The following ACACA variants were observed in gnomAD, a reference collection of about 807,000 sequenced individuals.
ACACA encodes acetyl-CoA carboxylase 1.
In ACACA, 103 loss-of-function variants were observed where a neutral mutation model predicts 296.1. That is an observed-to-expected ratio of 0.35 (90% CI 0.30 to 0.41). The LOEUF (loss-of-function observed/expected upper bound fraction) is 0.41, where lower values mean the gene tolerates loss of function less well. Among genes scored for constraint, ACACA ranks in the 10% least tolerant of loss-of-function variants. The probability of loss-of-function intolerance (pLI) is 1.00; values close to 1 mark genes in which losing one functional copy is unlikely to be tolerated. For missense variants in ACACA, 1,554 were observed against 2,989.7 expected, an observed-to-expected ratio of 0.52 and a Z score of 11.20; for synonymous variants, 953 against 1,038.6, an observed-to-expected ratio of 0.92 and a Z score of 1.58.
rs1302915405 is a variant in ACACA, at chr17:37,213,792, T to C, written c.3684-3302A>G. ...AATGGCTGGAGAGCTTGCTTCAATA[T>C]GAATGCAAAGTCAGAGTTGCCGCTG... On this transcript the variant is annotated intron_variant, in intron 29 of 55. Coordinates refer to ENST00000616317, the MANE Select transcript of ACACA (RefSeq NM_198834.3). Among the ~76,000 whole-genome samples, 4 of 146,144 alleles carry C rather than the reference T, an allele frequency of 2.7e-5. No homozygotes were observed. In the East Asian group the frequency reaches 7.9e-4, roughly 29 times the overall value.
chr17:37,306,924 C>A (rs542641365), intron 3 of ACACA, among the ~76,000 whole-genome samples: 3 of 152,010 alleles, frequency 2.0e-5, no homozygotes, highest in Non-Finnish European at 4.4e-5. Flanking sequence ...TCTTGAACTC[C>A]TGGCCTCAAC....
chr17:37,357,437 G>A (rs764441279), intron 1 of ACACA, among the ~76,000 whole-genome samples: 1 of 152,140 alleles, frequency 6.6e-6, no homozygotes, highest in Non-Finnish European at 1.5e-5. Flanking sequence ...AGGTTGCAGT[G>A]AGCCAAGATC....
At chr17:37,234,801 C>T (rs983687546) in intron 25 of ACACA, among the ~76,000 whole-genome samples, 174 bp downstream of exon 25, 6 of 152,138 alleles carry the variant, frequency 3.9e-5, no homozygotes, top group African/African-American at 7.2e-5. Flanking sequence ...CAGGTTCCTT[C>T]AGACCAAGGA....
At chr17:37,163,027 T>G (rs889372381) in intron 41 of ACACA, 6 of 154,956 alleles carry the variant, frequency 3.9e-5, no homozygotes, top group African/African-American at 1.5e-4. Context: ...TGCTGCCAGC[T>G]GGCGGTCAAA....
chr17:37,344,021 A>T (rs1328075057), intron 1 of ACACA, among the ~76,000 whole-genome samples: 2 of 151,930 alleles, frequency 1.3e-5, no homozygotes, highest in Non-Finnish European at 2.9e-5. Context: ...GGCTATTGAC[A>T]CCTAAATATA....
chr17:37,251,998 A>G lies in ACACA; in HGVS notation c.2081+7T>C. 1 of 1,613,206 alleles carries G rather than the reference A, an allele frequency of 6.2e-7. No individual in the cohort carries two copies. Among genetic ancestry groups the G allele is most frequent in the Non-Finnish European group, 8.5e-7 (1 of 1,179,116 alleles). On this transcript the variant is annotated splice_region_variant and intron_variant, in intron 16 of 55. Transcript: ENST00000616317. ...AGTTTGTGTAGCCTACAAGAAACAA[A>G]GCCTACCTTTCTAAGGAGTGAAGGA...
chr17:37,260,255 T>C (rs1324914419), intron 11 of ACACA, among the ~76,000 whole-genome samples: 1 of 8,384 alleles, frequency 1.2e-4, no homozygotes, highest in African/African-American at 5.9e-4. Flanking sequence ...AAGTCATATA[T>C]ATATATATAT....
intron 3 of ACACA, among the ~76,000 whole-genome samples, chr17:37,292,725 G>A (rs563644849): frequency 1.3e-5 from 2 of 152,236 alleles, no homozygotes; most frequent in South Asian, 2.1e-4. Flanking sequence ...TTAGCTGGGC[G>A]TGGTGGTGTG....
At chr17:37,306,514 T>A (rs2083894150) in intron 3 of ACACA, among the ~76,000 whole-genome samples, 1 of 151,866 alleles carries the variant, frequency 6.6e-6, no homozygotes, top group Admixed American at 6.6e-5. Context: ...ATTTCCAGAG[T>A]CCCAGAAGGC....
chr17:37,175,553 G>A (rs1184397419), intron 41 of ACACA, among the ~76,000 whole-genome samples: 4 of 152,194 alleles, frequency 2.6e-5, no homozygotes, highest in Non-Finnish European at 4.4e-5. Flanking sequence ...ATCTAGCTGT[G>A]TATTTACATA....
intron 41 of ACACA, among the ~76,000 whole-genome samples, chr17:37,168,852 C>T (rs1177810897): frequency 6.6e-6 from 1 of 152,076 alleles, no homozygotes; most frequent in East Asian, 1.9e-4. Context: ...TTTTTCTGGT[C>T]TGATGGTTAA....
intron 45 of ACACA, among the ~76,000 whole-genome samples, chr17:37,136,985 C>G (rs2075363644): frequency 1.3e-5 from 2 of 151,750 alleles, no homozygotes; most frequent in Admixed American, 1.3e-4. Context: ...ACAAAAAACA[C>G]CATTTAGTGG....
At chr17:37,249,528 G>GT (rs1163349851) in intron 16 of ACACA, among the ~76,000 whole-genome samples, 1 of 152,096 alleles carries the variant, frequency 6.6e-6, no homozygotes, top group African/African-American at 2.4e-5. Context: ...GCTATTTTCT[G>GT]TTTTTTGACA....
At chr17:37,148,842 C>T (rs1165479645) in intron 45 of ACACA, among the ~76,000 whole-genome samples, 2 of 152,048 alleles carry the variant, frequency 1.3e-5, no homozygotes, top group Non-Finnish European at 2.9e-5. Flanking sequence ...AGCTGGGAAT[C>T]TAGGCATGCC....
intron 42 of ACACA, among the ~76,000 whole-genome samples, chr17:37,157,968 A>G (rs2076318226): frequency 6.6e-6 from 1 of 152,192 alleles, no homozygotes; most frequent in South Asian, 2.1e-4. Flanking sequence ...TACTGCTAGT[A>G]AGTAGCTGTG....
chr17:37,335,289 G>T (rs1486287592), intron 2 of ACACA, among the ~76,000 whole-genome samples: 3 of 152,202 alleles, frequency 2.0e-5, no homozygotes, highest in Middle Eastern at 6.8e-3. Flanking sequence ...CTGAACAATG[G>T]AACAACTTCA....
chr17:37,174,020 A>ATATATATTTT (rs552735515), intron 41 of ACACA, among the ~76,000 whole-genome samples: 1 of 16,794 alleles, frequency 6.0e-5, no homozygotes, highest in Non-Finnish European at 9.9e-5. Flanking sequence ...ATATATATAT[A>ATATATATTTT]TTTTTTTTTT....
At chr17:37,253,083 T>C (rs1214231235) in intron 14 of ACACA, 47 bp from the exon 15 acceptor site, 1 of 1,613,928 alleles carries the variant, frequency 6.2e-7, no homozygotes, top group Non-Finnish European at 8.5e-7. Flanking sequence ...CACTTTAATG[T>C]TTTTCAATAA....
chr17:37,155,817 C>T (rs1429161207), intron 42 of ACACA, 37 bp from the exon 43 acceptor site: 13 of 1,357,162 alleles, frequency 9.6e-6, no homozygotes, highest in Non-Finnish European at 1.3e-5. Context: ...CATTATTTGC[C>T]ATTGTCATAT....
Sources: allele counts gnomAD v4.1 joint callset (sites outside exome capture counted in the v4.1 genomes callset), GRCh38; gene constraint gnomAD v4.1.1; transcripts MANE v1.5; gene names NCBI Gene and HGNC (gene_info 2026-07-23, HGNC 2026-07-21).